RGS8: variants seen among roughly 807,000 people sequenced by gnomAD.
RGS8 encodes regulator of G protein signaling 8, also known as regulator of G-protein signaling 8.
RGS8 carries 8 observed loss-of-function variants against 21.7 expected under a neutral mutation model. The ratio of observed to expected loss-of-function variants is 0.37; its 90% CI spans 0.22 to 0.66. RGS8 has a LOEUF of 0.66. Among genes scored for constraint, RGS8 ranks in the 30% least tolerant of loss-of-function variants. The pLI is 0.59. For missense variants in RGS8, 157 were observed against 217.9 expected, an observed-to-expected ratio of 0.72 and a Z score of 1.76; for synonymous variants, 80 against 83.6, an observed-to-expected ratio of 0.96 and a Z score of 0.24.
the RGS8 span, among the ~76,000 whole-genome samples, chr1:182,743,638 C>T: frequency 6.6e-6 from 1 of 152,308 alleles, no homozygotes; most frequent in South Asian, 2.1e-4. Context: ...CAAAATATTC[C>T]TGTCTCAGGG....
the RGS8 span, among the ~76,000 whole-genome samples, chr1:182,750,960 A>G: frequency 6.6e-6 from 1 of 152,252 alleles, no homozygotes; most frequent in South Asian, 2.1e-4. Flanking sequence ...TGGCTTTAAA[A>G]TAAAGCAAAG....
At chr1:182,646,642 CT>C in exon 7 of RGS8, 2 of 1,260,836 alleles carry the variant, frequency 1.6e-6, no homozygotes, top group Non-Finnish European at 2.2e-6. Context: ...AATGCCACCG[CT>C]TTTGAACACC....
the RGS8 span, among the ~76,000 whole-genome samples, chr1:182,719,576 G>A: frequency 1.3e-5 from 2 of 150,498 alleles, no homozygotes; most frequent in Non-Finnish European, 3.0e-5. Context: ...GACTACAGGC[G>A]CATACCACTG....
the RGS8 span, among the ~76,000 whole-genome samples, chr1:182,693,555 C>T: frequency 4.6e-5 from 7 of 152,186 alleles, 1 homozygote; most frequent in South Asian, 1.5e-3. Flanking sequence ...TGTGGAAAGC[C>T]ATCTGGAGAT....
At chr1:182,747,847 C>CAA in the RGS8 span, among the ~76,000 whole-genome samples, 54 of 81,510 alleles carry the variant, frequency 6.6e-4, no homozygotes, top group Admixed American at 1.3e-3. Context: ...ACTAAAAATA[C>CAA]GAAAAAAAAA....
intron 1 of RGS8, among the ~76,000 whole-genome samples, chr1:182,682,397 T>G (rs1664565207): frequency 6.6e-6 from 1 of 152,080 alleles, no homozygotes; most frequent in African/African-American, 2.4e-5. Flanking sequence ...AGAGAGTAAA[T>G]GGGGATGATG....
the RGS8 span, among the ~76,000 whole-genome samples, chr1:182,739,838 C>G: frequency 1.4e-4 from 22 of 152,090 alleles, no homozygotes. Context: ...CAGCAGAGAC[C>G]AGAGAGCTCT....
At chr1:182,747,043 C>CTATTTTTTTTTTTTTT in the RGS8 span, among the ~76,000 whole-genome samples, 1 of 21,028 alleles carries the variant, frequency 4.8e-5, no homozygotes, top group Non-Finnish European at 9.4e-5. Context: ...CACTGCTGGT[C>CTATTTTTTTTTTTTTT]TTTTTTTTTT....
chr1:182,675,843 G>A (rs925389568), upstream of RGS8, among the ~76,000 whole-genome samples: 3 of 152,104 alleles, frequency 2.0e-5, no homozygotes, highest in Admixed American at 6.5e-5. Context: ...TATTTTCTGA[G>A]CCTCTCAACT....
chr1:182,722,259 G>C, the RGS8 span, among the ~76,000 whole-genome samples: 1 of 147,034 alleles, frequency 6.8e-6, no homozygotes, highest in Non-Finnish European at 1.5e-5. Context: ...AGAAGTCAAT[G>C]AATGTTGTAA....
At chr1:182,651,106 C>T (rs182267985) in intron 5 of RGS8, among the ~76,000 whole-genome samples, 1 of 152,114 alleles carries the variant, frequency 6.6e-6, no homozygotes, top group African/African-American at 2.4e-5. Context: ...AATAGAAACC[C>T]GAGATAAACT....
chr1:182,742,835 G>T, the RGS8 span, among the ~76,000 whole-genome samples: 5 of 152,174 alleles, frequency 3.3e-5, no homozygotes, highest in Admixed American at 1.3e-4. Flanking sequence ...CTGAAAGATG[G>T]TAGGATTTGC....
chr1:182,647,440 G>A (rs1401635974), intron 6 of RGS8, among the ~76,000 whole-genome samples: 3 of 152,114 alleles, frequency 2.0e-5, no homozygotes, highest in South Asian at 2.1e-4. Context: ...AAGACTTCTC[G>A]CATCCCAAGT....
the RGS8 span, among the ~76,000 whole-genome samples, chr1:182,746,069 C>G: frequency 6.6e-6 from 1 of 152,126 alleles, no homozygotes; most frequent in African/African-American, 2.4e-5. Context: ...AAGTGAGTCC[C>G]TCAAATATCT....
chr1:182,668,766 G>A (rs1464292592), intron 3 of RGS8, among the ~76,000 whole-genome samples: 2 of 152,160 alleles, frequency 1.3e-5, no homozygotes, highest in Non-Finnish European at 2.9e-5. Flanking sequence ...TGCGACAGCG[G>A]GCATCTTATG....
chr1:182,698,650 C>A, the RGS8 span, among the ~76,000 whole-genome samples: 3 of 152,110 alleles, frequency 2.0e-5, no homozygotes, highest in Non-Finnish European at 4.4e-5. Flanking sequence ...GCCCTTTCCC[C>A]AAGATGTTTG....
chr1:182,716,477 T>G, the RGS8 span, among the ~76,000 whole-genome samples: 2 of 147,944 alleles, frequency 1.4e-5, no homozygotes, highest in African/African-American at 5.3e-5. Flanking sequence ...TTTTATTGTT[T>G]TTTTTTTCTG....
the RGS8 span, among the ~76,000 whole-genome samples, chr1:182,730,119 C>T: frequency 6.6e-6 from 1 of 152,042 alleles, no homozygotes; most frequent in Non-Finnish European, 1.5e-5. Flanking sequence ...AATTCACTTC[C>T]CCAACCTTCC....
At chr1:182,663,443 C>T (rs1444612848) in intron 5 of RGS8, among the ~76,000 whole-genome samples, 1 of 152,208 alleles carries the variant, frequency 6.6e-6, no homozygotes, top group Non-Finnish European at 1.5e-5. Flanking sequence ...AACAGAACAT[C>T]AGACTCCAGG....
Sources: gnomAD v4.1 joint callset for allele counts (sites outside exome capture counted in the v4.1 genomes callset) on GRCh38, gnomAD v4.1.1 for gene constraint, MANE v1.5 for transcripts, NCBI Gene and HGNC (gene_info 2026-07-23, HGNC 2026-07-21) for gene names.